Variants in SIPA1L1 observed in about 807,000 individuals in gnomAD.
SIPA1L1 encodes signal-induced proliferation-associated 1-like protein 1.
A neutral mutation model predicts 162.7 loss-of-function variants in SIPA1L1; 26 were observed. That is an observed-to-expected ratio of 0.16 (90% CI 0.12 to 0.22). The LOEUF is 0.22. Ranked by LOEUF, SIPA1L1 falls within the 10% of genes least tolerant of loss-of-function variation. The pLI is 1.00. For missense variants in SIPA1L1, 1,874 were observed against 2,241.0 expected, an observed-to-expected ratio of 0.84 and a Z score of 3.31; for synonymous variants, 829 against 837.4, an observed-to-expected ratio of 0.99 and a Z score of 0.17.
intron 2 of SIPA1L1, among the ~76,000 whole-genome samples, chr14:71,350,285 G>A (rs1046299193): frequency 6.6e-6 from 1 of 151,914 alleles, no homozygotes; most frequent in African/African-American, 2.4e-5. Context: ...GTATGTGCCT[G>A]TAATCCCAGC....
At chr14:71,386,349 C>T (rs903031009) in intron 2 of SIPA1L1, among the ~76,000 whole-genome samples, 4 of 152,150 alleles carry the variant, frequency 2.6e-5, no homozygotes, top group Admixed American at 2.0e-4. Context: ...CGTTCTTCTG[C>T]CTGCTTTTAT....
chr14:71,585,324 T>C (rs1284046246), intron 4 of SIPA1L1, among the ~76,000 whole-genome samples: 1 of 152,180 alleles, frequency 6.6e-6, no homozygotes, highest in African/African-American at 2.4e-5. Context: ...TATTTATATT[T>C]TGAAATGAAA....
rs191574889 is a variant in SIPA1L1, at chr14:71,740,731, C to G, written c.*1570C>G. 1.3e-5 allele frequency: 2 copies of G among 151,884 alleles called. No homozygotes were observed. Among genetic ancestry groups the G allele is most frequent in the African/African-American group, 2.4e-5 (1 of 41,336 alleles). 9.4% of individuals were successfully genotyped at this position (151,884 alleles called of 1,614,324 possible). On this transcript the variant is annotated 3_prime_UTR_variant, in exon 24 of 24. Transcript: ENST00000381232. Reference sequence around the variant, plus strand: ...GAATTTTTTTTTTCTGGTGACATTTCTATCATGGAAATAGGAAGATTTCGG... The same window carrying G: ...GAATTTTTTTTTTCTGGTGACATTTGTATCATGGAAATAGGAAGATTTCGG...
chr14:71,735,442 C>CTG, intron 22 of SIPA1L1, 51 bp downstream of exon 22: 1 of 1,245,202 alleles, frequency 8.0e-7, no homozygotes, highest in Middle Eastern at 2.2e-4. Flanking sequence ...ACATCTGCCA[C>CTG]TGACTGCATC....
intron 5 of SIPA1L1, among the ~76,000 whole-genome samples, chr14:71,595,526 G>A (rs979749184): frequency 1.3e-5 from 2 of 152,060 alleles, no homozygotes; most frequent in African/African-American, 2.4e-5. Context: ...TTCCTATTCT[G>A]TTTCATTAGC....
At chr14:71,335,089 A>G (rs915314369) in intron 2 of SIPA1L1, among the ~76,000 whole-genome samples, 8 of 152,150 alleles carry the variant, frequency 5.3e-5, no homozygotes, top group Non-Finnish European at 1.2e-4. Context: ...TCACGAGCTC[A>G]GGAGATCAAG....
intron 4 of SIPA1L1, among the ~76,000 whole-genome samples, chr14:71,542,472 T>G (rs891807401): frequency 1.2e-4 from 18 of 149,428 alleles, no homozygotes; most frequent in African/African-American, 2.0e-4. Context: ...TGCTGCTGCT[T>G]CTGCTTCTGC....
chr14:71,379,008 A>G (rs910628648), intron 2 of SIPA1L1, among the ~76,000 whole-genome samples: 2 of 151,868 alleles, frequency 1.3e-5, no homozygotes, highest in Non-Finnish European at 2.9e-5. Flanking sequence ...AGTTCTTCTC[A>G]TTTTCAGCCT....
At chr14:71,655,966 T>G (rs118152088) in intron 8 of SIPA1L1, among the ~76,000 whole-genome samples, 210 of 152,328 alleles carry the variant, frequency 1.4e-3, no homozygotes, top group Non-Finnish European at 2.5e-3. Flanking sequence ...CATTCTTTTT[T>G]CATTCTTTCT....
chr14:71,705,831 CT>C (rs1479062814), intron 16 of SIPA1L1, among the ~76,000 whole-genome samples: 4 of 152,006 alleles, frequency 2.6e-5, no homozygotes, highest in African/African-American at 4.8e-5. Flanking sequence ...ACATTTCATC[CT>C]TTCGCTATAG....
intron 7 of SIPA1L1, among the ~76,000 whole-genome samples, chr14:71,647,560 C>T (rs2042272447): frequency 6.6e-6 from 1 of 152,050 alleles, no homozygotes; most frequent in Admixed American, 6.6e-5. Context: ...CAAGCGAAGG[C>T]TGTTCTGGAA....
intron 5 of SIPA1L1, among the ~76,000 whole-genome samples, chr14:71,606,114 G>T (rs2037464845): frequency 6.6e-6 from 1 of 152,188 alleles, no homozygotes; most frequent in African/African-American, 2.4e-5. Flanking sequence ...AGATTGCTCA[G>T]GTGGGGATGG....
At chr14:71,646,213 G>A (rs186913068) in intron 7 of SIPA1L1, among the ~76,000 whole-genome samples, 83 of 143,708 alleles carry the variant, frequency 5.8e-4, no homozygotes, top group African/African-American at 2.0e-3. Flanking sequence ...GTCTTGCTCC[G>A]TCTCCCAGGC....
chr14:71,448,225 C>G (rs939696321), intron 2 of SIPA1L1, among the ~76,000 whole-genome samples: 1 of 152,160 alleles, frequency 6.6e-6, no homozygotes, highest in Non-Finnish European at 1.5e-5. Flanking sequence ...GCTTCCATCG[C>G]TTTCTTGGTT....
chr14:71,462,572 C>T (rs1361010230), intron 2 of SIPA1L1, among the ~76,000 whole-genome samples: 1 of 152,208 alleles, frequency 6.6e-6, no homozygotes, highest in Non-Finnish European at 1.5e-5. Flanking sequence ...ACTTTTCCTT[C>T]ACCTTAGAAG....
Position 71,709,458 on chromosome 14 carries a change from C to A in SIPA1L1, c.4002C>A (p.Gly1334=), listed in dbSNP as rs776426379. 1.2e-6 allele frequency: 2 copies of A among 1,614,104 alleles called. No individual in the cohort carries two copies. Among genetic ancestry groups the A allele is most frequent in the South Asian group, 2.2e-5 (2 of 91,092 alleles). ...AATSSPRSGP[G]KEKVAPLWHS... Reference sequence around the variant, plus strand: ...CATCGTCACCTCGCTCAGGGCCAGGCAAGGAGAAAGTGGCACCCCTATGGC... The same window carrying A: ...CATCGTCACCTCGCTCAGGGCCAGGAAAGGAGAAAGTGGCACCCCTATGGC... The change falls in exon 17 of 24, where the codon GGC becomes GGA. Residue 1334 remains glycine, a synonymous_variant. Transcript: ENST00000381232.
intron 2 of SIPA1L1, among the ~76,000 whole-genome samples, chr14:71,413,555 T>C (rs2042555054): frequency 1.3e-5 from 2 of 152,102 alleles, no homozygotes; most frequent in Non-Finnish European, 2.9e-5. Flanking sequence ...CTGGCCAACA[T>C]GGTGAAACCC....
chr14:71,670,282 C>T (rs192499233), intron 10 of SIPA1L1, among the ~76,000 whole-genome samples: 113 of 152,140 alleles, frequency 7.4e-4, no homozygotes, highest in Middle Eastern at 3.4e-3. Context: ...TAAGTTATTA[C>T]AAATGTTCAT....
intron 2 of SIPA1L1, among the ~76,000 whole-genome samples, chr14:71,427,275 C>T (rs145766689): frequency 4.4e-4 from 67 of 152,152 alleles, no homozygotes; most frequent in Non-Finnish European, 8.7e-4. Flanking sequence ...TTCGCACCCA[C>T]TTTTGAAGGA....
Sources: allele counts gnomAD v4.1 joint callset (sites outside exome capture counted in the v4.1 genomes callset), GRCh38; gene constraint gnomAD v4.1.1; transcripts MANE v1.5; gene names NCBI Gene and HGNC (gene_info 2026-07-23, HGNC 2026-07-21).